PPP1R9A: variants seen among roughly 807,000 people sequenced by gnomAD.
PPP1R9A encodes the protein protein phosphatase 1 regulatory subunit 9A.
A neutral mutation model predicts 141.9 loss-of-function variants in PPP1R9A; 59 were observed. That is an observed-to-expected ratio of 0.42 (90% confidence interval 0.34 to 0.52). The LOEUF (loss-of-function observed/expected upper bound fraction) is 0.52. Ranked by LOEUF, PPP1R9A falls within the 20% of genes least tolerant of loss-of-function variation. PPP1R9A has a pLI of 0.10. For missense variants in PPP1R9A, 1,444 were observed against 1,611.9 expected (o/e 0.90, Z 1.78); for synonymous variants, 500 against 569.7 (o/e 0.88, Z 1.74).
At chr7:95,148,011 T>C (rs1027174969) in intron 4 of PPP1R9A, among the ~76,000 whole-genome samples, 1 of 152,136 alleles carries the variant, frequency 6.6e-6, no homozygotes, top group Admixed American at 6.5e-5. Flanking sequence ...TCATTGAAAA[T>C]GAAAATAGAT....
At chr7:95,249,551 G>C (rs567171143) in intron 9 of PPP1R9A, among the ~76,000 whole-genome samples, 1 of 152,168 alleles carries the variant, frequency 6.6e-6, no homozygotes, top group East Asian at 1.9e-4. Flanking sequence ...TCAAATCCAT[G>C]CTGAATGACT....
intron 2 of PPP1R9A, among the ~76,000 whole-genome samples, chr7:94,944,452 C>A (rs193094797): frequency 6.8e-6 from 1 of 146,324 alleles, no homozygotes; most frequent in Non-Finnish European, 1.5e-5. Flanking sequence ...TCCACCCCCC[C>A]ACCCCCCGAT....
intron 5 of PPP1R9A, among the ~76,000 whole-genome samples, chr7:95,165,348 A>G (rs1831081503): frequency 6.6e-6 from 1 of 152,214 alleles, no homozygotes; most frequent in Non-Finnish European, 1.5e-5. Context: ...TGTAGCTGCC[A>G]TATCAGGAGG....
chr7:95,001,333 T>C (rs1433717454), intron 2 of PPP1R9A, among the ~76,000 whole-genome samples: 1 of 152,188 alleles, frequency 6.6e-6, no homozygotes, highest in Non-Finnish European at 1.5e-5. Flanking sequence ...CTTTGTGTTG[T>C]TGTTGACAGA....
rs1809629228 is a variant in PPP1R9A, at chr7:95,044,006, G to A, written c.1396-67253G>A. ...GTGGATCACTCCTTAGTTTGATCAA[G>A]ATTTAAATCCTTCTTATTGCAGAAG... On this transcript the variant is annotated intron_variant, in intron 2 of 19. Coordinates refer to ENST00000433360, the MANE Select transcript of PPP1R9A (RefSeq NM_001166160.2). Among the ~76,000 whole-genome samples the A allele has an allele frequency of 3.3e-5, 5 of 152,314 alleles. No homozygotes were observed. The South Asian group carries it at 1.0e-3, about 32-fold the overall frequency.
At chr7:95,091,256 C>G (rs1413793726) in intron 2 of PPP1R9A, among the ~76,000 whole-genome samples, 1 of 151,316 alleles carries the variant, frequency 6.6e-6, no homozygotes, top group East Asian at 1.9e-4. Context: ...ATATTTTTGT[C>G]CCCCAGAAAG....
At chr7:95,019,698 T>C (rs1160424301) in intron 2 of PPP1R9A, among the ~76,000 whole-genome samples, 2 of 152,154 alleles carry the variant, frequency 1.3e-5, no homozygotes, top group African/African-American at 4.8e-5. Flanking sequence ...AAAATCACAA[T>C]TTTATCTTAC....
intron 2 of PPP1R9A, among the ~76,000 whole-genome samples, chr7:94,924,208 C>T (rs1425894030): frequency 6.6e-6 from 1 of 152,104 alleles, no homozygotes; most frequent in Non-Finnish European, 1.5e-5. Context: ...TGTGATTTTG[C>T]ATATTTATGT....
chr7:94,925,050 T>C (rs1187885410), intron 2 of PPP1R9A, among the ~76,000 whole-genome samples: 2 of 152,012 alleles, frequency 1.3e-5, no homozygotes, highest in Non-Finnish European at 2.9e-5. Flanking sequence ...ACAGAACCAA[T>C]AGGATGTGTA....
intron 12 of PPP1R9A, among the ~76,000 whole-genome samples, chr7:95,253,521 G>T (rs1016212505): frequency 6.6e-6 from 1 of 150,916 alleles, no homozygotes; most frequent in Non-Finnish European, 1.5e-5. Flanking sequence ...TATAAATAGT[G>T]CCTCTTAGGC....
At position 95,227,910 on chromosome 7, in the gene PPP1R9A, C is replaced by T. The variant is rs150569540; in HGVS notation, c.2112+1794C>T. ...GTTTTACATTTAACATTAATATATT[C>T]ATTTCTTCAGAATATTGCCCCTGTG... On this transcript the variant is annotated intron_variant, in intron 8 of 19. Transcript: ENST00000433360. Among the ~76,000 whole-genome samples the T allele has an allele frequency of 3.8e-3, 575 of 152,242 alleles. 7 individuals are homozygous for T. The highest frequency in any genetic ancestry group is 0.013 in the African/African-American group (546 of 41,560).
At chr7:95,048,891 C>A (rs1810405989) in intron 2 of PPP1R9A, among the ~76,000 whole-genome samples, 2 of 152,012 alleles carry the variant, frequency 1.3e-5, no homozygotes, top group South Asian at 4.2e-4. Context: ...TTGATATAAC[C>A]ATTTATATAA....
In PPP1R9A at chr7:95,275,035, A is replaced by G. The variant is rs531615737; in HGVS notation, c.3296+867A>G. On this transcript the variant is annotated intron_variant, in intron 16 of 19. Transcript: ENST00000433360. Reference sequence around the variant, plus strand: ...ATAATAAAGATAACAATTTGCTGCTATTGCCATTACTGTTACCTTATTATT... The same window carrying G: ...ATAATAAAGATAACAATTTGCTGCTGTTGCCATTACTGTTACCTTATTATT... Among the ~76,000 whole-genome samples, 11 of 152,330 alleles carry G rather than the reference A, an allele frequency of 7.2e-5. No homozygotes were observed. In the South Asian group the frequency reaches 2.1e-3, roughly 29 times the overall value.
In PPP1R9A at chr7:94,955,455, T is replaced by C. The variant is rs564940219; in HGVS notation, c.1395+43947T>C. ...ATCTTTTTTTTTCCTATTACAAAAT[T>C]AGTCCAAAATAGTTCTCCTATTTCT... On this transcript the variant is annotated intron_variant, in intron 2 of 19. Coordinates refer to ENST00000433360, the MANE Select transcript of PPP1R9A (RefSeq NM_001166160.2). Among the ~76,000 whole-genome samples the C allele has an allele frequency of 2.4e-4, 36 of 152,224 alleles. 2 individuals carry two copies. In the South Asian group the frequency reaches 6.8e-3, roughly 29 times the overall value.
chr7:95,105,881 A>G (rs1011437473), intron 2 of PPP1R9A, among the ~76,000 whole-genome samples: 1 of 152,130 alleles, frequency 6.6e-6, no homozygotes, highest in Non-Finnish European at 1.5e-5. Flanking sequence ...AGCCTAATCT[A>G]TGTTCTAATA....
rs529810676 is a variant in PPP1R9A, at chr7:95,038,365, T to C, written c.1396-72894T>C. Among the ~76,000 whole-genome samples the C allele has an allele frequency of 5.3e-5, 8 of 152,202 alleles. No individual in the cohort carries two copies. The South Asian group carries it at 1.7e-3, about 32-fold the overall frequency. Reference sequence around the variant, plus strand: ...TTTTGATAAATTGCTGAAGACTAAGTATTCAGCAGGGTGTGACTTAGAAAC... The same window carrying C: ...TTTTGATAAATTGCTGAAGACTAAGCATTCAGCAGGGTGTGACTTAGAAAC... On this transcript the variant is annotated intron_variant, in intron 2 of 19. Transcript: ENST00000433360.
chr7:95,052,601 G>T (rs1390929703), intron 2 of PPP1R9A, among the ~76,000 whole-genome samples: 1 of 152,140 alleles, frequency 6.6e-6, no homozygotes. Context: ...AGTAGGTAAG[G>T]ATAAGGACAT....
At chr7:95,278,670 A>G (rs987860870) in intron 16 of PPP1R9A, among the ~76,000 whole-genome samples, 1 of 152,210 alleles carries the variant, frequency 6.6e-6, no homozygotes, top group Non-Finnish European at 1.5e-5. Flanking sequence ...CAACAATATA[A>G]TTTATTAAAA....
In PPP1R9A at chr7:94,996,201, AG is replaced by A. The variant is rs1175565947; in HGVS notation, c.1395+84694del. ...TGATGAATTGTAGACCTAAATAGAT[AG>A]CTGAAACTTTAACATCTCTAGGAAA... On this transcript the variant is annotated intron_variant, in intron 2 of 19. Coordinates refer to ENST00000433360, the MANE Select transcript of PPP1R9A (RefSeq NM_001166160.2). Among the ~76,000 whole-genome samples the A allele has an allele frequency of 2.0e-5, 3 of 152,230 alleles. No homozygotes were observed. The East Asian group carries it at 5.8e-4, about 29-fold the overall frequency.
Sources: gnomAD v4.1 joint callset for allele counts (sites outside exome capture counted in the v4.1 genomes callset) on GRCh38, gnomAD v4.1.1 for gene constraint, MANE v1.5 for transcripts, NCBI Gene and HGNC (gene_info 2026-07-23, HGNC 2026-07-21) for gene names.